The following BTBD9 variants were observed in gnomAD, a reference collection of about 807,000 sequenced individuals.
BTBD9 encodes the protein BTB/POZ domain-containing protein 9.
Under a neutral mutation model 64.3 loss-of-function variants are expected in BTBD9, and 49 were observed. The observed-to-expected ratio is 0.76, with a 90% CI of 0.61 to 0.97. The LOEUF (loss-of-function observed/expected upper bound fraction) is 0.97. Among genes scored for constraint, BTBD9 ranks in the 50% least tolerant of loss-of-function variants. The pLI is 0.00. For missense variants in BTBD9, 598 were observed against 762.1 expected (o/e 0.78, Z 2.53); for synonymous variants, 260 against 274.7 (o/e 0.95, Z 0.53).
At chr6:38,617,783 A>G (rs571571175) in intron 1 of BTBD9, among the ~76,000 whole-genome samples, 1 of 152,290 alleles carries the variant, frequency 6.6e-6, no homozygotes, top group East Asian at 1.9e-4. Context: ...CTCCATTTTG[A>G]GGCATATCAT....
chr6:38,582,031 A>T (rs1368507493), intron 4 of BTBD9, among the ~76,000 whole-genome samples: 1 of 152,234 alleles, frequency 6.6e-6, no homozygotes, highest in Middle Eastern at 3.2e-3. Flanking sequence ...TGGCAAAAAG[A>T]TAGTAATTCA....
intron 6 of BTBD9, among the ~76,000 whole-genome samples, chr6:38,520,730 C>T (rs532753352): frequency 2.0e-5 from 3 of 151,686 alleles, no homozygotes; most frequent in East Asian, 3.9e-4. Flanking sequence ...CTCAAGAGTT[C>T]GAGACCAGCC....
At chr6:38,407,947 T>C (rs984178192) in intron 6 of BTBD9, among the ~76,000 whole-genome samples, 2 of 152,262 alleles carry the variant, frequency 1.3e-5, no homozygotes, top group African/African-American at 4.8e-5. Flanking sequence ...AAGCTGTTTT[T>C]GCTTTCTTTT....
At chr6:38,275,595 C>T (rs1765358950) in intron 8 of BTBD9, among the ~76,000 whole-genome samples, 1 of 151,104 alleles carries the variant, frequency 6.6e-6, no homozygotes, top group African/African-American at 2.4e-5. Context: ...TTGCAACCTA[C>T]TCATCTGACA....
At position 38,616,570 on chromosome 6, in the gene BTBD9, C is replaced by T. The variant is rs1175365555; in HGVS notation, c.-27-18449G>A. Among the ~76,000 whole-genome samples the T allele has an allele frequency of 2.6e-5, 4 of 152,042 alleles. No homozygotes were observed. The East Asian group carries it at 7.7e-4, about 29-fold the overall frequency. ...CTGGACTTCCTGGGTCGGATGGGGA[C>T]TTGGGGAACTTTCCTGTCTTACAAG... On this transcript the variant is annotated intron_variant, in intron 1 of 10. Transcript: ENST00000481247.
chr6:38,587,567 G>A (rs1242224145), intron 4 of BTBD9: 7 of 575,744 alleles, frequency 1.2e-5, no homozygotes, highest in Non-Finnish European at 2.3e-5. Context: ...GCAATTCAGT[G>A]TAGTAGGACA....
At chr6:38,558,702 T>C (rs934921935) in intron 6 of BTBD9, among the ~76,000 whole-genome samples, 1 of 152,244 alleles carries the variant, frequency 6.6e-6, no homozygotes, top group African/African-American at 2.4e-5. Context: ...GATGTGCGTA[T>C]GTTGAACCAA....
rs529249012 is a variant in BTBD9 at position 38,208,293 on chromosome 6, T to C, written c.1563-15696A>G. Among the ~76,000 whole-genome samples the C allele has an allele frequency of 2.0e-5, 3 of 152,322 alleles. No homozygotes were observed. The East Asian group carries it at 5.8e-4, about 29-fold the overall frequency. The stretch of plus-strand genomic sequence containing the variant: ...TGAAGATCCCTCTGACAGTTCTTTA[T>C]GAGTGAGCCTCTTGAGCTGACCCCA... On this transcript the variant is annotated intron_variant, in intron 9 of 10. Transcript: ENST00000481247.
intron 6 of BTBD9, among the ~76,000 whole-genome samples, chr6:38,368,795 C>G (rs961182286): frequency 1.3e-5 from 2 of 152,208 alleles, no homozygotes; most frequent in African/African-American, 4.8e-5. Context: ...GGTCCCTGCT[C>G]TGCATGCTCT....
chr6:38,583,665 T>C (rs1353754566), intron 4 of BTBD9, among the ~76,000 whole-genome samples: 2 of 152,224 alleles, frequency 1.3e-5, no homozygotes, highest in African/African-American at 2.4e-5. Context: ...TGATTGTGAC[T>C]AAAGTCTAAA....
At chr6:38,635,166 C>T (rs770239584) in intron 1 of BTBD9, among the ~76,000 whole-genome samples, 17 of 151,708 alleles carry the variant, frequency 1.1e-4, no homozygotes, top group Admixed American at 2.0e-4. Flanking sequence ...GATGGAGTCT[C>T]GCTCTGTCAC....
chr6:38,383,708 C>G (rs925959141), intron 6 of BTBD9, among the ~76,000 whole-genome samples: 4 of 152,156 alleles, frequency 2.6e-5, no homozygotes, highest in Non-Finnish European at 4.4e-5. Flanking sequence ...AAGGATCGAA[C>G]CTTATAAAGT....
intron 9 of BTBD9, among the ~76,000 whole-genome samples, chr6:38,250,027 G>A (rs1764338777): frequency 6.6e-6 from 1 of 152,176 alleles, no homozygotes; most frequent in Non-Finnish European, 1.5e-5. Context: ...TTACCATTCA[G>A]GGGTAATTTT....
intron 8 of BTBD9, among the ~76,000 whole-genome samples, chr6:38,268,307 C>A (rs576049655): frequency 1.3e-5 from 2 of 152,286 alleles, no homozygotes; most frequent in African/African-American, 4.8e-5. Context: ...CAAGAAGCAG[C>A]GCCAAAGAGA....
chr6:38,303,874 T>TATATATATATATAC (rs368257334), intron 7 of BTBD9, among the ~76,000 whole-genome samples: 837 of 82,074 alleles, frequency 0.01, 16 homozygotes, highest in Non-Finnish European at 0.016. Context: ...TATATATATA[T>TATATATATATATAC]ACACACACAC....
chr6:38,452,313 G>T (rs1769590641), intron 6 of BTBD9, among the ~76,000 whole-genome samples: 1 of 152,058 alleles, frequency 6.6e-6, no homozygotes, highest in Non-Finnish European at 1.5e-5. Context: ...TATCTATTTA[G>T]TTCCAAAGCC....
chr6:38,583,902 A>G (rs1776399222), intron 4 of BTBD9, among the ~76,000 whole-genome samples: 1 of 152,250 alleles, frequency 6.6e-6, no homozygotes, highest in Non-Finnish European at 1.5e-5. Context: ...CAAAATCCAT[A>G]ATTAAGTGAT....
rs191875529 is a variant in BTBD9, at chr6:38,477,937, C to T, written c.1154+99663G>A. On this transcript the variant is annotated intron_variant, in intron 6 of 10. Transcript: ENST00000481247. ...CAAGGTCTTTAGAGTCAGGTGAACC[C>T]GTTTTTGAAATCTGGCCCCATCACT... 1.8e-3 allele frequency among the ~76,000 whole-genome samples: 273 copies of T among 152,276 alleles called. 4 individuals are homozygous for T. The highest frequency in any genetic ancestry group is 6.2e-3 in the African/African-American group (259 of 41,542).
chr6:38,553,809 T>C (rs1273035253), intron 6 of BTBD9, among the ~76,000 whole-genome samples: 1 of 151,442 alleles, frequency 6.6e-6, no homozygotes, highest in Non-Finnish European at 1.5e-5. Flanking sequence ...GCTATGACCA[T>C]GCCACTGCAC....
Sources: gnomAD v4.1 joint callset for allele counts (sites outside exome capture counted in the v4.1 genomes callset) on GRCh38, gnomAD v4.1.1 for gene constraint, MANE v1.5 for transcripts, NCBI Gene and HGNC (gene_info 2026-07-23, HGNC 2026-07-21) for gene names.